The following ERBB4 variants were observed in gnomAD, a reference collection of about 807,000 sequenced individuals.
ERBB4 encodes the protein erb-b2 receptor tyrosine kinase 4.
In ERBB4, 42 loss-of-function variants were observed where a neutral mutation model predicts 158.0. That is an observed-to-expected ratio of 0.27 (90% CI 0.21 to 0.34). ERBB4 has a LOEUF of 0.34. Ranked by LOEUF, ERBB4 falls within the 10% of genes least tolerant of loss-of-function variation. The pLI is 1.00. For missense variants in ERBB4, 1,333 were observed against 1,624.1 expected (o/e 0.82, Z 3.08); for synonymous variants, 583 against 558.7 (o/e 1.04, Z -0.61).
intron 20 of ERBB4, among the ~76,000 whole-genome samples, chr2:211,450,878 C>T (rs1041343358): frequency 5.3e-5 from 8 of 152,126 alleles, no homozygotes; most frequent in Admixed American, 4.6e-4. Context: ...ACAGTGAAGG[C>T]ACCACGAGGA....
At chr2:212,427,092 G>A (rs563732270) in intron 1 of ERBB4, among the ~76,000 whole-genome samples, 1 of 152,124 alleles carries the variant, frequency 6.6e-6, no homozygotes, top group South Asian at 2.1e-4. Flanking sequence ...ATTTTCTAAT[G>A]CAGTAGTCCA....
chr2:211,964,450 T>C (rs12617625), intron 2 of ERBB4, among the ~76,000 whole-genome samples: 45,092 of 152,074 alleles, frequency 0.3, 6,900 homozygotes, highest in South Asian at 0.44. Flanking sequence ...TGGTTTTAAG[T>C]TCATGAACTA....
intron 4 of ERBB4, among the ~76,000 whole-genome samples, chr2:211,757,136 T>C (rs2075303646): frequency 6.6e-6 from 1 of 152,224 alleles, no homozygotes; most frequent in Non-Finnish European, 1.5e-5. Flanking sequence ...CTTGTTCTTA[T>C]CTGACAATTC....
chr2:211,839,228 AAAG>A (rs2077416398), intron 3 of ERBB4, among the ~76,000 whole-genome samples: 1 of 151,016 alleles, frequency 6.6e-6, no homozygotes, highest in East Asian at 2.0e-4. Flanking sequence ...AGAAAGAGAG[AAAG>A]AAGAGAAAAG....
At chr2:211,535,584 A>AGTGTGT (rs772405205) in intron 20 of ERBB4, 1 of 144,666 alleles carries the variant, frequency 6.9e-6, no homozygotes, top group African/African-American at 2.8e-5. Context: ...AGAGAGAGAG[A>AGTGTGT]GTGTATGTGT....
intron 1 of ERBB4, among the ~76,000 whole-genome samples, chr2:212,420,571 C>T (rs979570855): frequency 6.6e-6 from 1 of 152,104 alleles, no homozygotes; most frequent in African/African-American, 2.4e-5. Flanking sequence ...GAATCATAAG[C>T]ACACAGGCTT....
intron 1 of ERBB4, among the ~76,000 whole-genome samples, chr2:212,275,805 A>C (rs2085510170): frequency 6.6e-6 from 1 of 151,872 alleles, no homozygotes; most frequent in Non-Finnish European, 1.5e-5. Flanking sequence ...TCATAATGAC[A>C]GAATCAAATT....
At chr2:212,371,356 T>C (rs1390339649) in intron 1 of ERBB4, among the ~76,000 whole-genome samples, 1 of 152,230 alleles carries the variant, frequency 6.6e-6, no homozygotes, top group East Asian at 1.9e-4. Context: ...TCTAAACATA[T>C]CCTCTGCTCT....
At chr2:212,344,071 GA>G (rs1233796685) in intron 1 of ERBB4, among the ~76,000 whole-genome samples, 1 of 152,116 alleles carries the variant, frequency 6.6e-6, no homozygotes, top group Non-Finnish European at 1.5e-5. Flanking sequence ...CTGTTAATGG[GA>G]AAAATTTAGG....
At chr2:212,230,289 A>C (rs564404567) in intron 1 of ERBB4, among the ~76,000 whole-genome samples, 3 of 152,254 alleles carry the variant, frequency 2.0e-5, no homozygotes. Context: ...TCTTGAAAAA[A>C]AAGGAAAAAG....
intron 20 of ERBB4, among the ~76,000 whole-genome samples, chr2:211,538,515 C>T (rs2066714589): frequency 6.6e-6 from 1 of 151,742 alleles, no homozygotes; most frequent in African/African-American, 2.4e-5. Context: ...CATAAAATTC[C>T]TCAGAAAAGA....
chr2:212,106,923 G>A (rs2079246783), intron 2 of ERBB4, among the ~76,000 whole-genome samples: 1 of 152,224 alleles, frequency 6.6e-6, no homozygotes, highest in Non-Finnish European at 1.5e-5. Context: ...TTTGAGGTTT[G>A]GGAACCTCTG....
At chr2:211,693,352 C>T (rs2072891584) in intron 12 of ERBB4, among the ~76,000 whole-genome samples, 1 of 151,648 alleles carries the variant, frequency 6.6e-6, no homozygotes, top group Non-Finnish European at 1.5e-5. Context: ...TTAAATATTC[C>T]CTTTATTTTA....
chr2:212,454,381 A>C (rs1245763467), intron 1 of ERBB4, among the ~76,000 whole-genome samples: 2 of 152,164 alleles, frequency 1.3e-5, no homozygotes, highest in Non-Finnish European at 2.9e-5. Flanking sequence ...GAAAGACTCA[A>C]TGAATGCTTA....
At chr2:212,408,063 A>C (rs931403982) in intron 1 of ERBB4, among the ~76,000 whole-genome samples, 4 of 151,972 alleles carry the variant, frequency 2.6e-5, no homozygotes, top group Admixed American at 1.3e-4. Flanking sequence ...TTTCTCAGTA[A>C]CATTTTATTT....
intron 20 of ERBB4, among the ~76,000 whole-genome samples, chr2:211,554,289 TATAAACTGGGGAAATAATGAGCC>T (rs1251067152): frequency 6.6e-6 from 1 of 152,242 alleles, no homozygotes; most frequent in Admixed American, 6.5e-5. Flanking sequence ...TTTCCTCATC[TATAAACTGGGGAAATAATGAGCC>T]ATATCTGCTA....
intron 2 of ERBB4, among the ~76,000 whole-genome samples, chr2:211,988,741 C>T (rs1052299009): frequency 2.0e-5 from 3 of 151,974 alleles, no homozygotes; most frequent in Admixed American, 6.6e-5. Flanking sequence ...TTTCCCTTTC[C>T]CTCTTCATCC....
At chr2:211,688,584 G>A (rs1293522900) in intron 12 of ERBB4, among the ~76,000 whole-genome samples, 1 of 152,122 alleles carries the variant, frequency 6.6e-6, no homozygotes, top group Non-Finnish European at 1.5e-5. Context: ...GGGTAAATTC[G>A]ATCCCTCCCT....
chr2:211,983,368 G>C (rs567959578), intron 2 of ERBB4, among the ~76,000 whole-genome samples: 31 of 152,264 alleles, frequency 2.0e-4, no homozygotes, highest in African/African-American at 7.5e-4. Context: ...ATGATAAATT[G>C]GGGAGATGGT....
Sources: gnomAD v4.1 joint callset for allele counts (sites outside exome capture counted in the v4.1 genomes callset) on GRCh38, gnomAD v4.1.1 for gene constraint, MANE v1.5 for transcripts, NCBI Gene and HGNC (gene_info 2026-07-23, HGNC 2026-07-21) for gene names.